Variants in CADPS observed in about 807,000 individuals in gnomAD.
CADPS encodes the protein calcium dependent secretion activator, also known as calcium-dependent secretion activator 1.
A neutral mutation model predicts 167.3 loss-of-function variants in CADPS; 57 were observed. That is an observed-to-expected ratio of 0.34 (90% CI 0.28 to 0.42). CADPS has a LOEUF of 0.42. Ranked by LOEUF, CADPS falls within the 20% of genes least tolerant of loss-of-function variation. The probability of loss-of-function intolerance (pLI) is 1.00; values close to 1 mark genes in which losing one functional copy is unlikely to be tolerated. For missense variants in CADPS, 1,414 were observed against 1,738.1 expected (o/e 0.81, Z 3.32); for synonymous variants, 676 against 635.3 (o/e 1.06, Z -0.96).
At chr3:62,513,555 A>T (rs2068327584) in intron 16 of CADPS, 1 of 877,888 alleles carries the variant, frequency 1.1e-6, no homozygotes, top group Non-Finnish European at 1.8e-6. Context: ...AAGGAGAGTG[A>T]GTTGGTTTGG....
intron 26 of CADPS, among the ~76,000 whole-genome samples, chr3:62,453,558 A>G (rs576129722): frequency 3.3e-5 from 5 of 152,332 alleles, no homozygotes; most frequent in African/African-American, 1.2e-4. Flanking sequence ...TCTTGGGAAG[A>G]TGAATAAATT....
intron 19 of CADPS, 23 bp from the exon 20 acceptor site, chr3:62,492,469 A>G: frequency 6.2e-7 from 1 of 1,609,530 alleles, no homozygotes; most frequent in Non-Finnish European, 8.5e-7. Flanking sequence ...GCAGAAAAAC[A>G]ATAGACAAAG....
chr3:62,773,554 C>T (rs1576211132), intron 1 of CADPS, among the ~76,000 whole-genome samples: 1 of 152,100 alleles, frequency 6.6e-6, no homozygotes, highest in East Asian at 1.9e-4. Flanking sequence ...AATAATAATT[C>T]AATTATTTAA....
chr3:62,706,673 C>T (rs1048227985), intron 3 of CADPS, among the ~76,000 whole-genome samples: 2 of 152,100 alleles, frequency 1.3e-5, no homozygotes, highest in African/African-American at 4.8e-5. Context: ...AGAATTAACA[C>T]CCTCATCTTT....
rs74336583 is a variant in CADPS, at chr3:62,870,737, T to C, written c.441+3852A>G. Reference sequence around the variant, plus strand: ...AACTATTAGAATAATTCCTACATCATTTAAAAAATGGTCATGTCAATCTAA... The same window carrying C: ...AACTATTAGAATAATTCCTACATCACTTAAAAAATGGTCATGTCAATCTAA... On this transcript the variant is annotated intron_variant, in intron 1 of 29. Transcript: ENST00000383710. Among the ~76,000 whole-genome samples, 1,338 of 152,286 alleles carry C rather than the reference T, an allele frequency of 8.8e-3. 20 individuals are homozygous for C. Among genetic ancestry groups the C allele is most frequent in the African/African-American group, 0.03 (1,240 of 41,566 alleles).
At chr3:62,473,304 C>A (rs2060851900) in intron 24 of CADPS, among the ~76,000 whole-genome samples, 1 of 152,114 alleles carries the variant, frequency 6.6e-6, no homozygotes, top group Admixed American at 6.6e-5. Context: ...AGAATACCAC[C>A]AACCCACATT....
chr3:62,762,469 C>T (rs970705445), intron 2 of CADPS, among the ~76,000 whole-genome samples: 2 of 151,814 alleles, frequency 1.3e-5, no homozygotes, highest in Non-Finnish European at 2.9e-5. Flanking sequence ...GCAGCCTGGG[C>T]AACATAGCAA....
chr3:62,438,035 G>T lies in CADPS; in HGVS notation c.3777+69C>A. On this transcript the variant is annotated intron_variant, in intron 28 of 29. Transcript: ENST00000383710. This position sits in a 1 kb window ranked among gnomAD's most constrained non-coding sequence, Gnocchi z 4.7. ...TTCTCAAAATGTGACTTATCCTCCTGTCTCTTATTTTGTCACATTTTGGAG... is the reference window on the plus strand; with the variant it reads ...TTCTCAAAATGTGACTTATCCTCCTTTCTCTTATTTTGTCACATTTTGGAG... 1.0e-6 allele frequency: 1 copy of T among 1,003,898 alleles called. No individual in the cohort carries two copies. The highest frequency in any genetic ancestry group is 1.6e-6 in the Non-Finnish European group (1 of 641,994). The allele number at this position is 1,003,898 out of a possible 1,614,324, so 62.2% of individuals were successfully genotyped here. A position where few individuals can be genotyped will look rare whatever the true frequency, so the allele number is the denominator to read the frequency against.
At chr3:62,650,637 G>A (rs1459641273) in intron 5 of CADPS, among the ~76,000 whole-genome samples, 2 of 152,166 alleles carry the variant, frequency 1.3e-5, no homozygotes. Context: ...AAATTTAGTA[G>A]GTGGTTTTCA....
At chr3:62,542,675 G>T (rs1029927840) in intron 11 of CADPS, among the ~76,000 whole-genome samples, 1 of 152,052 alleles carries the variant, frequency 6.6e-6, no homozygotes, top group African/African-American at 2.4e-5. Flanking sequence ...AAAAGAGGAT[G>T]GCTTCTTTGG....
At chr3:62,746,471 G>T (rs72878374) in intron 3 of CADPS, among the ~76,000 whole-genome samples, 1 of 152,040 alleles carries the variant, frequency 6.6e-6, no homozygotes, top group African/African-American at 2.4e-5. Context: ...AAGTAAGCTG[G>T]GACCACAGGT....
chr3:62,567,090 C>T (rs1372689884), intron 9 of CADPS, among the ~76,000 whole-genome samples: 1 of 152,158 alleles, frequency 6.6e-6, no homozygotes, highest in Non-Finnish European at 1.5e-5. Context: ...AAATCATTCT[C>T]TCCCTTTTGG....
At chr3:62,528,834 G>C (rs565856214) in intron 13 of CADPS, among the ~76,000 whole-genome samples, 2 of 152,286 alleles carry the variant, frequency 1.3e-5, no homozygotes, top group African/African-American at 4.8e-5. Flanking sequence ...CATAAAAATA[G>C]CTAATCTGAA....
intron 6 of CADPS, among the ~76,000 whole-genome samples, chr3:62,604,635 T>A (rs898685630): frequency 1.3e-5 from 2 of 152,238 alleles, no homozygotes; most frequent in African/African-American, 4.8e-5. Flanking sequence ...ATCACCTGAT[T>A]TGAATGTCAG....
chr3:62,817,302 G>C (rs2094668362), intron 1 of CADPS, among the ~76,000 whole-genome samples: 1 of 152,136 alleles, frequency 6.6e-6, no homozygotes, highest in African/African-American at 2.4e-5. Flanking sequence ...TTTGCTGAAT[G>C]ATGGTGAGCA....
intron 6 of CADPS, among the ~76,000 whole-genome samples, chr3:62,621,303 T>C (rs1044097016): frequency 6.6e-6 from 1 of 151,898 alleles, no homozygotes; most frequent in African/African-American, 2.4e-5. Flanking sequence ...GTGAAGCTGC[T>C]TGGAGGAAGT....
intron 18 of CADPS, among the ~76,000 whole-genome samples, chr3:62,496,737 C>T (rs1576833328): frequency 1.3e-5 from 2 of 152,154 alleles, no homozygotes; most frequent in South Asian, 2.1e-4. Flanking sequence ...TGGCACAGAG[C>T]CTAAACTCCT....
intron 11 of CADPS, among the ~76,000 whole-genome samples, chr3:62,537,943 G>T (rs747576974): frequency 2.0e-5 from 3 of 152,242 alleles, no homozygotes; most frequent in South Asian, 4.1e-4. Context: ...AGCAGCAAGT[G>T]GTCCTTGTTT....
intron 28 of CADPS, chr3:62,403,907 C>T (rs1004735970): frequency 1.3e-5 from 2 of 152,204 alleles, no homozygotes; most frequent in African/African-American, 2.4e-5. Flanking sequence ...CATACTTCCC[C>T]TTAAGGGGGT....
Sources: allele counts gnomAD v4.1 joint callset (sites outside exome capture counted in the v4.1 genomes callset), GRCh38; gene constraint gnomAD v4.1.1; non-coding constraint Gnocchi (gnomAD v3.1); transcripts MANE v1.5; gene names NCBI Gene and HGNC (gene_info 2026-07-23, HGNC 2026-07-21).